The following ADCK5 variants were observed in gnomAD, a reference collection of about 807,000 sequenced individuals.
The protein encoded by ADCK5 is aarF domain containing kinase 5.
ADCK5 carries 43 observed loss-of-function variants against 64.9 expected under a neutral mutation model. The ratio of observed to expected loss-of-function variants is 0.66; its 90% CI spans 0.52 to 0.85. ADCK5 has a LOEUF of 0.85. Ranked by LOEUF, ADCK5 falls within the 40% of genes least tolerant of loss-of-function variation. ADCK5 has a pLI of 0.00. For missense variants in ADCK5, 760 were observed against 810.5 expected, an observed-to-expected ratio of 0.94 and a Z score of 0.76; for synonymous variants, 434 against 342.8, an observed-to-expected ratio of 1.27 and a Z score of -2.94.
chr8:144,386,851 G>A (rs1819947367), intron 3 of ADCK5, among the ~76,000 whole-genome samples: 1 of 152,228 alleles, frequency 6.6e-6, no homozygotes, highest in Non-Finnish European at 1.5e-5. Context: ...GAAAACAGAG[G>A]CACTCCTTAT....
chr8:144,380,463 CAG>C (rs782111031), intron 2 of ADCK5, among the ~76,000 whole-genome samples: 79 of 150,864 alleles, frequency 5.2e-4, no homozygotes, highest in Non-Finnish European at 7.7e-4. Context: ...GGTGTAGAAA[CAG>C]ATGTGTGCTC....
chr8:144,391,286 C>A lies in ADCK5; in HGVS notation c.684+12C>A. The A allele has an allele frequency of 6.2e-7, 1 of 1,612,238 alleles. No homozygotes were observed. Among genetic ancestry groups the A allele is most frequent in the South Asian group, 1.1e-5 (1 of 91,086 alleles). On this transcript the variant is annotated intron_variant, in intron 6 of 14. Transcript: ENST00000308860. ...GCGTGGCTGTGAAGGTATATGGGGG[C>A]TGCCTTGTTCAGCAGTGGGCTGGGG...
At chr8:144,379,359 G>C (rs558045909) in intron 1 of ADCK5, 28 bp from the exon 2 acceptor site, 42 of 1,560,506 alleles carry the variant, frequency 2.7e-5, no homozygotes, top group Middle Eastern at 3.4e-4. Context: ...GGCCTCGTTC[G>C]ACCCCACACA....
At chr8:144,388,081 C>G (rs967242814) in intron 3 of ADCK5, among the ~76,000 whole-genome samples, 16 of 152,018 alleles carry the variant, frequency 1.1e-4, no homozygotes, top group Admixed American at 3.3e-4. Context: ...TGAAAATGCT[C>G]TGTGAGGCAA....
chr8:144,391,752 C>A, intron 8 of ADCK5, 31 bp from the exon 9 acceptor site: 1 of 1,539,086 alleles, frequency 6.5e-7, no homozygotes. Flanking sequence ...CAGCGCTGGG[C>A]CTGCTGAGCC....
intron 3 of ADCK5, among the ~76,000 whole-genome samples, chr8:144,388,335 C>T (rs1320886935): frequency 1.4e-5 from 2 of 144,742 alleles, no homozygotes; most frequent in Non-Finnish European, 3.0e-5. Flanking sequence ...CCAGTCTGGG[C>T]GACAGAGCGA....
In ADCK5 at chr8:144,391,285, G is replaced by T; in HGVS notation, c.684+11G>T. On this transcript the variant is annotated intron_variant, in intron 6 of 14. Coordinates refer to ENST00000308860, the MANE Select transcript of ADCK5 (RefSeq NM_174922.5). ...AGCGTGGCTGTGAAGGTATATGGGG[G>T]CTGCCTTGTTCAGCAGTGGGCTGGG... 6.2e-7 allele frequency: 1 copy of T among 1,612,190 alleles called. No individual in the cohort carries two copies. The highest frequency in any genetic ancestry group is 8.5e-7 in the Non-Finnish European group (1 of 1,179,990).
At chr8:144,392,417 C>CAG in intron 12 of ADCK5, 28 bp from the exon 13 acceptor site, 1 of 1,325,708 alleles carries the variant, frequency 7.5e-7, no homozygotes, top group African/African-American at 1.8e-5. Flanking sequence ...TCAGAGCCCC[C>CAG]TCCCTCCCTC....
rs782638031 is a variant in ADCK5 at position 144,392,714 on chromosome 8, G to T, written c.1520+17G>T. 1.3e-6 allele frequency: 2 copies of T among 1,590,732 alleles called. No homozygotes were observed. Among genetic ancestry groups the T allele is most frequent in the Non-Finnish European group, 1.7e-6 (2 of 1,168,500 alleles). On this transcript the variant is annotated intron_variant, in intron 13 of 14. Transcript: ENST00000308860. The stretch of plus-strand genomic sequence containing the variant: ...GGCTAAAAGGTCGGTGGCCCGAGGA[G>T]GCGCCCGGGCCGTGGTGGGGCTGGT...
Position 144,390,973 on chromosome 8 carries a change from TC to T in ADCK5, c.462del (p.Phe155SerfsTer16). The T allele has an allele frequency of 1.2e-6, 2 of 1,613,012 alleles. No individual in the cohort carries two copies. Among genetic ancestry groups the T allele is most frequent in the Non-Finnish European group, 1.7e-6 (2 of 1,179,976 alleles). On this transcript the variant is annotated frameshift_variant, in exon 5 of 15. Coordinates refer to ENST00000308860, the MANE Select transcript of ADCK5 (RefSeq NM_174922.5). LOFTEE classifies it high-confidence loss of function. ...CGTGAAGCTGGGCCAGGGGCTGTGC[TC>T]CTTCAACCACCTGCTTCCCCCCGAG... ...LYVKLGQGLC[S>X]FNHLLPPEYT...
Position 144,392,628 on chromosome 8 carries a change from TCAA to T in ADCK5, c.1454_1456del (p.Asn485del). The T allele has an allele frequency of 6.3e-7, 1 of 1,593,592 alleles. No individual in the cohort carries two copies. Among genetic ancestry groups the T allele is most frequent in the Non-Finnish European group, 8.5e-7 (1 of 1,173,694 alleles). The stretch of plus-strand genomic sequence containing the variant: ...CCCATGCTGCTGGTGCTGCGCAACA[TCAA>T]CACCGTGCGCGCTATCAACGTGGCC... On this transcript the variant is annotated inframe_deletion, in exon 13 of 15. Transcript: ENST00000308860.
Position 144,374,083 on chromosome 8 carries a change from G to A in ADCK5, c.-13G>A, listed in dbSNP as rs374533538. On this transcript the variant is annotated 5_prime_UTR_variant, in exon 1 of 15. Transcript: ENST00000308860. ...CGGCGCCGGGCGGGAGAAGAGCGGA[G>A]CAGTGGTCGGAGATGTGGCGACCGG... 16 of 1,247,710 alleles carry A rather than the reference G, an allele frequency of 1.3e-5. No individual in the cohort carries two copies. The highest frequency in any genetic ancestry group is 1.6e-5 in the Non-Finnish European group (16 of 988,754). The allele number at this position is 1,247,710 out of a possible 1,614,324, so 77.3% of individuals were successfully genotyped here. A position where few individuals can be genotyped will look rare whatever the true frequency, so the allele number is the denominator to read the frequency against.
intron 12 of ADCK5, 38 bp downstream of exon 12, chr8:144,392,383 G>A (rs1820303114): frequency 3.4e-6 from 5 of 1,487,200 alleles, no homozygotes; most frequent in Non-Finnish European, 4.5e-6. Context: ...ACCACAGAAG[G>A]GAGTCGGGCG....
At position 144,393,091 on chromosome 8, in the gene ADCK5, G is replaced by C; in HGVS notation, c.*17G>C. ...GAGACCTAGGGTGCAGCCGCCCAGG[G>C]CCGGCGGGGCCCTTTTCACCTTGGG... On this transcript the variant is annotated 3_prime_UTR_variant, in exon 15 of 15. Coordinates refer to ENST00000308860, the MANE Select transcript of ADCK5 (RefSeq NM_174922.5). 1 of 1,538,024 alleles carries C rather than the reference G, an allele frequency of 6.5e-7. No individual in the cohort carries two copies. Among genetic ancestry groups the C allele is most frequent in the Non-Finnish European group, 8.7e-7 (1 of 1,146,542 alleles).
chr8:144,380,186 G>A (rs529762223), intron 2 of ADCK5, among the ~76,000 whole-genome samples: 44 of 152,378 alleles, frequency 2.9e-4, no homozygotes, highest in African/African-American at 1.0e-3. Flanking sequence ...TGGGCCGGGT[G>A]TAGAAACAGA....
Position 144,384,195 on chromosome 8 carries a change from G to A in ADCK5, c.266+965G>A, listed in dbSNP as rs1554858882. On this transcript the variant is annotated intron_variant, in intron 3 of 14. Transcript: ENST00000308860. The surrounding 1 kb of genome is among the most constrained non-coding windows in gnomAD (Gnocchi z 5.7). The stretch of plus-strand genomic sequence containing the variant: ...CCCAAAGTGCTGGGATGACAGGCGT[G>A]AGTCACCGTGCCCAGCCCCCAAAGC... Among the ~76,000 whole-genome samples the A allele has an allele frequency of 6.6e-6, 1 of 152,090 alleles. No individual in the cohort carries two copies. The highest frequency in any genetic ancestry group is 1.9e-4 in the East Asian group (1 of 5,190).
At chr8:144,389,081 C>T (rs1163170025) in intron 3 of ADCK5, among the ~76,000 whole-genome samples, 1 of 152,216 alleles carries the variant, frequency 6.6e-6, no homozygotes, top group African/African-American at 2.4e-5. Flanking sequence ...CAGGGCTGCC[C>T]AGCTGGTCCC....
rs1819266261 is a variant in ADCK5 at position 144,374,119 on chromosome 8, C to T, written c.12+12C>T. The T allele has an allele frequency of 8.0e-7, 1 of 1,248,744 alleles. No homozygotes were observed. Among genetic ancestry groups the T allele is most frequent in the Admixed American group, 4.2e-5 (1 of 23,836 alleles). 77.4% of individuals were successfully genotyped at this position (1,248,744 alleles called of 1,614,324 possible). A position where few individuals can be genotyped will look rare whatever the true frequency, so the allele number is the denominator to read the frequency against. ...AGATGTGGCGACCGGTGAGGACTCTCCCGGCCCGGGGCGCCCGAGATCCTG... is the reference window on the plus strand; with the variant it reads ...AGATGTGGCGACCGGTGAGGACTCTTCCGGCCCGGGGCGCCCGAGATCCTG... On this transcript the variant is annotated intron_variant, in intron 1 of 14. Transcript: ENST00000308860.
upstream of ADCK5, chr8:144,373,794 G>A (rs189058493): frequency 1.9e-3 from 670 of 348,064 alleles, 1 homozygote; most frequent in Middle Eastern, 6.9e-3. Context: ...GCTTCTCACA[G>A]CGGTCCTTCC....
Sources: gnomAD v4.1 joint callset for allele counts (sites outside exome capture counted in the v4.1 genomes callset) on GRCh38, gnomAD v4.1.1 for gene constraint, Gnocchi (gnomAD v3.1) non-coding constraint, MANE v1.5 for transcripts, NCBI Gene and HGNC (gene_info 2026-07-23, HGNC 2026-07-21) for gene names.